FAM13B: variants seen among roughly 807,000 people sequenced by gnomAD.
The protein encoded by FAM13B is family with sequence similarity 13 member B, also known as protein FAM13B.
In FAM13B, 60 loss-of-function variants were observed where a neutral mutation model predicts 117.3. That is an observed-to-expected ratio of 0.51 (90% CI 0.42 to 0.63). The LOEUF (loss-of-function observed/expected upper bound fraction) is 0.63. Among genes scored for constraint, FAM13B ranks in the 30% least tolerant of loss-of-function variants. The probability of loss-of-function intolerance (pLI) is 0.00; values close to 1 mark genes in which losing one functional copy is unlikely to be tolerated. For missense variants in FAM13B, 972 were observed against 1,091.9 expected, an observed-to-expected ratio of 0.89 and a Z score of 1.55; for synonymous variants, 332 against 356.1, an observed-to-expected ratio of 0.93 and a Z score of 0.76.
intron 10 of FAM13B, among the ~76,000 whole-genome samples, chr5:137,964,293 G>C (rs1172028129): frequency 1.3e-5 from 2 of 151,832 alleles, no homozygotes; most frequent in Admixed American, 1.3e-4. Flanking sequence ...TGTAATTTTA[G>C]TAGAGATGGG....
At chr5:138,038,319 C>T (rs1791351571) in intron 1 of FAM13B, among the ~76,000 whole-genome samples, 1 of 152,140 alleles carries the variant, frequency 6.6e-6, no homozygotes, top group African/African-American at 2.4e-5. Flanking sequence ...ATTTGTAGAA[C>T]AAGACATGAC....
At chr5:137,948,807 CT>C (rs1349792622) in intron 18 of FAM13B, 147 bp downstream of exon 18, 43 of 636,220 alleles carry the variant, frequency 6.8e-5, no homozygotes, top group Non-Finnish European at 1.1e-4. Context: ...TTCTGTTATG[CT>C]GATTAAATCA....
intron 15 of FAM13B, 31 bp from the exon 16 acceptor site, chr5:137,953,496 A>C (rs1015145446): frequency 6.2e-7 from 1 of 1,609,718 alleles, no homozygotes. Flanking sequence ...AACACTGTTA[A>C]ATTTTCAAGT....
chr5:137,980,132 G>A (rs551117616), intron 10 of FAM13B, among the ~76,000 whole-genome samples: 2 of 148,196 alleles, frequency 1.3e-5, no homozygotes, highest in South Asian at 4.3e-4. Context: ...CACATCACAC[G>A]ACTGCACTCT....
In FAM13B at chr5:138,012,804, ACTC is replaced by A. The variant is rs1784372235; in HGVS notation, c.371-862_371-860del. Among the ~76,000 whole-genome samples, 7 of 151,826 alleles carry A rather than the reference ACTC, an allele frequency of 4.6e-5. No homozygotes were observed. In the South Asian group the frequency reaches 1.5e-3, roughly 32 times the overall value. ...GTTCTTAAAATTATTTTACTGAAAA[ACTC>A]CTGGTAAAAGGTTACGGTCATGATA... On this transcript the variant is annotated intron_variant, in intron 4 of 23. Transcript: ENST00000689681.
At chr5:137,944,536 G>A (rs893305972) in intron 20 of FAM13B, among the ~76,000 whole-genome samples, 14 of 152,142 alleles carry the variant, frequency 9.2e-5, no homozygotes, top group Non-Finnish European at 1.9e-4. Context: ...GGAAGGCCGA[G>A]GCAGGTGGAT....
At chr5:138,011,221 G>T in intron 5 of FAM13B, 72 bp from the exon 6 acceptor site, 1 of 1,409,330 alleles carries the variant, frequency 7.1e-7, no homozygotes, top group Non-Finnish European at 9.7e-7. Flanking sequence ...GACAACCAAT[G>T]AGATACTTTA....
chr5:137,965,662 G>A (rs915144019), intron 10 of FAM13B, among the ~76,000 whole-genome samples: 7 of 152,076 alleles, frequency 4.6e-5, no homozygotes, highest in Non-Finnish European at 8.8e-5. Flanking sequence ...CTTCTATCTA[G>A]CCTACTCTCT....
intron 10 of FAM13B, among the ~76,000 whole-genome samples, chr5:137,973,380 T>C (rs1202005074): frequency 6.6e-6 from 1 of 152,040 alleles, no homozygotes. Flanking sequence ...ATTTAATAAA[T>C]GGTGCTGGGA....
intron 9 of FAM13B, 102 bp from the exon 10 acceptor site, chr5:137,985,491 G>A (rs1776965090): frequency 1.7e-6 from 2 of 1,179,450 alleles, no homozygotes; most frequent in South Asian, 3.2e-5. Context: ...ACTTTTACTT[G>A]TTAAAGAAAA....
At chr5:137,955,672 C>T (rs908823368) in intron 14 of FAM13B, among the ~76,000 whole-genome samples, 2 of 152,160 alleles carry the variant, frequency 1.3e-5, no homozygotes, top group Admixed American at 1.3e-4. Context: ...TGCTCTGTCA[C>T]CCAGGCTGGA....
chr5:137,946,611 C>T (rs112772203), intron 18 of FAM13B, among the ~76,000 whole-genome samples: 15 of 152,294 alleles, frequency 9.8e-5, no homozygotes, highest in African/African-American at 3.6e-4. Flanking sequence ...TATTCAACAT[C>T]CTCATCTGTA....
Position 137,954,452 on chromosome 5 carries a change from A to G in FAM13B, c.1508-76T>C, listed in dbSNP as rs1765869239. The G allele has an allele frequency of 2.7e-6, 3 of 1,095,678 alleles. No individual in the cohort carries two copies. The Admixed American group carries it at 6.6e-5, about 24-fold the overall frequency. 67.9% of individuals were successfully genotyped at this position (1,095,678 alleles called of 1,614,324 possible). ...GGAAAAAAGTCACAAAATATCAGCT[A>G]TGTGTTCCTTAAATCATATCATTAT... On this transcript the variant is annotated intron_variant, in intron 14 of 23. Transcript: ENST00000689681.
At chr5:137,980,847 C>T (rs115316251) in intron 10 of FAM13B, among the ~76,000 whole-genome samples, 1,728 of 152,172 alleles carry the variant, frequency 0.011, 27 homozygotes, top group African/African-American at 0.04. Flanking sequence ...TGAATACCTA[C>T]TAAGTGTTCT....
intron 23 of FAM13B, among the ~76,000 whole-genome samples, chr5:137,941,451 T>TTG (rs2150104219): frequency 6.6e-6 from 1 of 152,308 alleles, no homozygotes; most frequent in South Asian, 2.1e-4. Context: ...AACTGTGCAT[T>TTG]ACCTAGTTAG....
At chr5:137,985,228 A>G in intron 10 of FAM13B, 29 bp downstream of exon 10, 1 of 1,607,982 alleles carries the variant, frequency 6.2e-7, no homozygotes, top group South Asian at 1.1e-5. Flanking sequence ...AAAGTTGTAC[A>G]TCTAACACAT....
intron 6 of FAM13B, among the ~76,000 whole-genome samples, chr5:138,008,137 T>C (rs888827853): frequency 2.0e-5 from 3 of 152,214 alleles, no homozygotes; most frequent in African/African-American, 7.2e-5. Context: ...AGAGTGCCTA[T>C]TTTAAAGTAT....
chr5:137,943,107 A>T (rs751955868), intron 21 of FAM13B, 26 bp downstream of exon 21: 1 of 1,613,008 alleles, frequency 6.2e-7, no homozygotes, highest in South Asian at 1.1e-5. Flanking sequence ...GGAAGGGATC[A>T]GATAATTATT....
At chr5:137,985,538 C>G (rs1390907073) in intron 9 of FAM13B, 149 bp from the exon 10 acceptor site, 6 of 752,586 alleles carry the variant, frequency 8.0e-6, no homozygotes, top group Non-Finnish European at 8.2e-6. Flanking sequence ...TTTTATCTTG[C>G]TAAATTAGAT....
Sources: allele counts gnomAD v4.1 joint callset (sites outside exome capture counted in the v4.1 genomes callset), GRCh38; gene constraint gnomAD v4.1.1; transcripts MANE v1.5; gene names NCBI Gene and HGNC (gene_info 2026-07-23, HGNC 2026-07-21).